Variants in KHDRBS2 observed in about 807,000 individuals in gnomAD.
The protein encoded by KHDRBS2 is KH domain-containing, RNA-binding, signal transduction-associated protein 2.
KHDRBS2 carries 26 observed loss-of-function variants against 44.3 expected under a neutral mutation model. The ratio of observed to expected loss-of-function variants is 0.59; its 90% CI spans 0.43 to 0.81. The LOEUF is 0.81. KHDRBS2 is among the 40% of genes least tolerant of loss of function. KHDRBS2 has a pLI of 0.00. For synonymous variants in KHDRBS2, 194 were observed against 151.1 expected (o/e 1.28, Z -2.08); for missense variants, 476 against 433.1 (o/e 1.10, Z -0.88).
chr6:61,954,370 CGTATGTATGCATGCATACATAT>C (rs1765505757), intron 4 of KHDRBS2, among the ~76,000 whole-genome samples: 1 of 54,924 alleles, frequency 1.8e-5, no homozygotes, highest in Admixed American at 2.3e-4. Flanking sequence ...TACATATATA[CGTATGTATGCATGCATACATAT>C]ATACGTATGT....
intron 1 of KHDRBS2, among the ~76,000 whole-genome samples, chr6:62,218,818 C>T (rs1216603547): frequency 6.6e-6 from 1 of 151,772 alleles, no homozygotes; most frequent in African/African-American, 2.4e-5. Context: ...TATATATCCA[C>T]AATGAAATAC....
chr6:62,171,399 A>G (rs182888689), intron 2 of KHDRBS2, among the ~76,000 whole-genome samples: 1 of 152,140 alleles, frequency 6.6e-6, no homozygotes, highest in Non-Finnish European at 1.5e-5. Flanking sequence ...AAAAGAATAA[A>G]CAAATATGAA....
intron 4 of KHDRBS2, among the ~76,000 whole-genome samples, chr6:61,933,886 A>AT (rs573757624): frequency 8.5e-4 from 129 of 152,298 alleles, no homozygotes; most frequent in African/African-American, 3.1e-3. Flanking sequence ...ATTATTTGCC[A>AT]TAAGGACTGT....
At chr6:61,985,985 G>A (rs1210778606) in intron 3 of KHDRBS2, among the ~76,000 whole-genome samples, 1 of 152,014 alleles carries the variant, frequency 6.6e-6, no homozygotes, top group African/African-American at 2.4e-5. Flanking sequence ...TAGAAACATT[G>A]GGTGGATTTT....
chr6:62,199,950 T>C (rs922388170), intron 1 of KHDRBS2, among the ~76,000 whole-genome samples: 1 of 152,160 alleles, frequency 6.6e-6, no homozygotes, highest in Non-Finnish European at 1.5e-5. Flanking sequence ...AACTATCTGA[T>C]CTTTGACAAG....
At chr6:61,989,364 T>C (rs950784970) in intron 3 of KHDRBS2, among the ~76,000 whole-genome samples, 3 of 152,234 alleles carry the variant, frequency 2.0e-5, no homozygotes, top group African/African-American at 7.2e-5. Context: ...AACTACTTCC[T>C]GTCATAAAGA....
intron 1 of KHDRBS2, among the ~76,000 whole-genome samples, chr6:62,258,800 T>C (rs1328860397): frequency 6.6e-6 from 1 of 152,054 alleles, no homozygotes. Flanking sequence ...ACTCAACCTG[T>C]ACATGAAAAT....
intron 2 of KHDRBS2, among the ~76,000 whole-genome samples, chr6:62,091,880 G>A (rs1799556915): frequency 6.6e-6 from 1 of 152,072 alleles, no homozygotes; most frequent in South Asian, 2.1e-4. Context: ...AACAGTGACT[G>A]ACAATTCTCA....
chr6:61,822,336 C>A (rs992096858), intron 6 of KHDRBS2, among the ~76,000 whole-genome samples: 1 of 151,896 alleles, frequency 6.6e-6, no homozygotes, highest in Non-Finnish European at 1.5e-5. Flanking sequence ...AACACTCTAA[C>A]CTCCTCCCTT....
intron 2 of KHDRBS2, among the ~76,000 whole-genome samples, chr6:62,098,309 A>T (rs1801111014): frequency 6.7e-6 from 1 of 149,894 alleles, no homozygotes; most frequent in Non-Finnish European, 1.5e-5. Flanking sequence ...CTCTTTTTAG[A>T]ATTTCTTATA....
intron 3 of KHDRBS2, among the ~76,000 whole-genome samples, chr6:61,979,455 G>T (rs1458332862): frequency 6.6e-6 from 1 of 152,120 alleles, no homozygotes; most frequent in East Asian, 1.9e-4. Flanking sequence ...ATTTGCTGTT[G>T]ATGTCATGTG....
At chr6:61,620,389 A>G in the KHDRBS2 span, among the ~76,000 whole-genome samples, 1 of 152,118 alleles carries the variant, frequency 6.6e-6, no homozygotes, top group African/African-American at 2.4e-5. Flanking sequence ...ATTCTTTCCA[A>G]AGTTCCTTTG....
intron 4 of KHDRBS2, among the ~76,000 whole-genome samples, chr6:61,965,181 G>C (rs972819306): frequency 7.2e-5 from 11 of 152,034 alleles, no homozygotes; most frequent in Admixed American, 2.0e-4. Context: ...CTCTGGGAGG[G>C]CTTATGGTTT....
intron 6 of KHDRBS2, among the ~76,000 whole-genome samples, chr6:61,750,300 T>C (rs1429660845): frequency 6.6e-6 from 1 of 152,180 alleles, no homozygotes; most frequent in East Asian, 1.9e-4. Flanking sequence ...AAAATGGAAA[T>C]TGACATGAAA....
the KHDRBS2 span, among the ~76,000 whole-genome samples, chr6:61,620,013 A>C: frequency 6.6e-6 from 1 of 152,134 alleles, no homozygotes; most frequent in Admixed American, 6.5e-5. Context: ...TGTGAGGATA[A>C]AAATATAGTT....
At chr6:62,023,958 T>A (rs1782817262) in intron 3 of KHDRBS2, among the ~76,000 whole-genome samples, 1 of 151,238 alleles carries the variant, frequency 6.6e-6, no homozygotes, top group Non-Finnish European at 1.5e-5. Context: ...GTTATTTGCA[T>A]CATCATGGAA....
chr6:61,722,379 C>T (rs538837067), intron 7 of KHDRBS2, among the ~76,000 whole-genome samples: 9 of 152,124 alleles, frequency 5.9e-5, no homozygotes, highest in Non-Finnish European at 1.2e-4. Flanking sequence ...ATTGTTATAG[C>T]TGCTGAACTT....
At chr6:61,575,708 G>A in the KHDRBS2 span, among the ~76,000 whole-genome samples, 1 of 152,142 alleles carries the variant, frequency 6.6e-6, no homozygotes, top group Non-Finnish European at 1.5e-5. Context: ...CAGCCTAAAT[G>A]CCCAGCAACC....
the KHDRBS2 span, among the ~76,000 whole-genome samples, chr6:61,673,535 A>G: frequency 6.8e-6 from 1 of 146,254 alleles, no homozygotes; most frequent in South Asian, 2.2e-4. Context: ...CCATCGTCTC[A>G]GCCCAAAATC....
Sources: allele counts gnomAD v4.1 joint callset (sites outside exome capture counted in the v4.1 genomes callset), GRCh38; gene constraint gnomAD v4.1.1; transcripts MANE v1.5; gene names NCBI Gene and HGNC (gene_info 2026-07-23, HGNC 2026-07-21).